The following QKI variants were observed in gnomAD, a reference collection of about 807,000 sequenced individuals.
The protein encoded by QKI is QKI, KH domain containing RNA binding, also known as KH domain-containing RNA-binding protein QKI.
QKI carries 10 observed loss-of-function variants against 39.0 expected under a neutral mutation model. The observed-to-expected ratio is 0.26, with a 90% CI of 0.16 to 0.43. The LOEUF (loss-of-function observed/expected upper bound fraction) is 0.43, where lower values mean the gene tolerates loss of function less well. Ranked by LOEUF, QKI falls within the 20% of genes least tolerant of loss-of-function variation. The probability of loss-of-function intolerance (pLI) is 1.00; values close to 1 mark genes in which losing one functional copy is unlikely to be tolerated. For synonymous variants in QKI, 204 were observed against 155.4 expected (o/e 1.31, Z -2.33); for missense variants, 218 against 428.0 (o/e 0.51, Z 4.33).
intron 3 of QKI, among the ~76,000 whole-genome samples, chr6:163,520,330 T>G (rs1780071061): frequency 6.6e-6 from 1 of 152,156 alleles, no homozygotes; most frequent in Non-Finnish European, 1.5e-5. Context: ...ATTATAACAC[T>G]GGATAATGTA....
At chr6:163,440,992 T>C (rs1170982015) in intron 1 of QKI, among the ~76,000 whole-genome samples, 2 of 152,182 alleles carry the variant, frequency 1.3e-5, no homozygotes, top group Non-Finnish European at 1.5e-5. Flanking sequence ...TTACTAAATA[T>C]ACTTTGAGTA....
In QKI at chr6:163,577,940, G is replaced by A. The variant is rs1364681319; in HGVS notation, c.*7230G>A. ...TACAGTAATTTGTGGTCTTTAGAAA[G>A]CAGTTAAACTAATTGACCATCTAAT... On this transcript the variant is annotated 3_prime_UTR_variant, in exon 8 of 8. Coordinates refer to ENST00000361752, the MANE Select transcript of QKI (RefSeq NM_006775.3). The A allele has an allele frequency of 6.6e-6, 1 of 152,136 alleles. No homozygotes were observed. Among genetic ancestry groups the A allele is most frequent in the Non-Finnish European group, 1.5e-5 (1 of 68,022 alleles). 9.4% of individuals were successfully genotyped at this position (152,136 alleles called of 1,614,324 possible). A position where few individuals can be genotyped will look rare whatever the true frequency, so the allele number is the denominator to read the frequency against.
chr6:163,451,254 T>A (rs1230781496), intron 1 of QKI, among the ~76,000 whole-genome samples: 1 of 152,224 alleles, frequency 6.6e-6, no homozygotes. Flanking sequence ...TTAAACATCA[T>A]CACCTCTTAA....
At chr6:163,449,648 G>A (rs1790400318) in intron 1 of QKI, among the ~76,000 whole-genome samples, 1 of 151,950 alleles carries the variant, frequency 6.6e-6, no homozygotes, top group Non-Finnish European at 1.5e-5. Context: ...TTAATATTTT[G>A]TTGCTTATGA....
At chr6:163,567,542 T>C in intron 7 of QKI, 6 of 984,418 alleles carry the variant, frequency 6.1e-6, no homozygotes, top group Non-Finnish European at 7.2e-6. Flanking sequence ...TTGACTAACC[T>C]GTGACTGGAA....
At chr6:163,494,129 A>G (rs1273333726) in intron 3 of QKI, among the ~76,000 whole-genome samples, 1 of 152,232 alleles carries the variant, frequency 6.6e-6, no homozygotes, top group East Asian at 1.9e-4. Context: ...ATCAAAAAAT[A>G]TTCGGGAGGA....
chr6:163,548,035 A>G (rs1583201509), intron 4 of QKI, among the ~76,000 whole-genome samples: 1 of 152,056 alleles, frequency 6.6e-6, no homozygotes, highest in East Asian at 1.9e-4. Context: ...TAAATAACTC[A>G]CAGTTTTCAG....
At chr6:163,514,557 T>G (rs540290528) in intron 3 of QKI, among the ~76,000 whole-genome samples, 3 of 152,168 alleles carry the variant, frequency 2.0e-5, no homozygotes, top group African/African-American at 7.2e-5. Flanking sequence ...TTAATTCTTA[T>G]CAGTTTCATA....
intron 3 of QKI, among the ~76,000 whole-genome samples, chr6:163,490,151 A>T (rs1777963830): frequency 6.6e-6 from 1 of 152,340 alleles, no homozygotes; most frequent in African/African-American, 2.4e-5. Context: ...AATGAAATGT[A>T]TACTCTTGTA....
intron 3 of QKI, among the ~76,000 whole-genome samples, chr6:163,505,477 C>T (rs1779036673): frequency 6.6e-6 from 1 of 152,180 alleles, no homozygotes; most frequent in Admixed American, 6.5e-5. Context: ...GACAGTGCTG[C>T]CCAGTGCTGT....
chr6:163,420,792 T>A (rs1056134995), intron 1 of QKI, among the ~76,000 whole-genome samples: 5 of 152,242 alleles, frequency 3.3e-5, no homozygotes, highest in Non-Finnish European at 7.3e-5. Flanking sequence ...CAACTAACAA[T>A]AAACTTTTAT....
At chr6:163,454,022 A>G (rs1009488084) in intron 1 of QKI, among the ~76,000 whole-genome samples, 1 of 152,172 alleles carries the variant, frequency 6.6e-6, no homozygotes, top group African/African-American at 2.4e-5. Context: ...CTATCAATAA[A>G]TTGAACTTCC....
intron 2 of QKI, among the ~76,000 whole-genome samples, chr6:163,458,662 G>T (rs1343969678): frequency 6.6e-6 from 1 of 152,090 alleles, no homozygotes; most frequent in Non-Finnish European, 1.5e-5. Context: ...TCAGACTCAA[G>T]GTCTGAGAAA....
chr6:163,544,175 A>C (rs1245639936), intron 4 of QKI, among the ~76,000 whole-genome samples: 1 of 152,098 alleles, frequency 6.6e-6, no homozygotes, highest in East Asian at 1.9e-4. Flanking sequence ...AAAGAGAGCA[A>C]AATTTAAATT....
rs200238041 is a variant in QKI at position 163,439,330 on chromosome 6, G to GTT, written c.143-15941_143-15940dup. 1.9e-3 allele frequency among the ~76,000 whole-genome samples: 229 copies of GTT among 120,606 alleles called. 2 individuals carry two copies. Among genetic ancestry groups the GTT allele is most frequent in the African/African-American group, 5.5e-3 (167 of 30,390 alleles). 79.1% of individuals were successfully genotyped at this position (120,606 alleles called of 152,430 possible). A position where few individuals can be genotyped will look rare whatever the true frequency, so the allele number is the denominator to read the frequency against. ...TTTCGCTCTAGAATAATCCTTCGTG[G>GTT]TTTTTTTTTGTTTTTTTTTTTTTTC... On this transcript the variant is annotated intron_variant, in intron 1 of 7. Coordinates refer to ENST00000361752, the MANE Select transcript of QKI (RefSeq NM_006775.3).
intron 1 of QKI, among the ~76,000 whole-genome samples, chr6:163,439,659 T>G (rs987830562): frequency 4.0e-5 from 6 of 148,550 alleles, no homozygotes; most frequent in Non-Finnish European, 9.0e-5. Context: ...CTGAATCCTT[T>G]TTTTTTTTTT....
chr6:163,491,617 A>G (rs1778059710), intron 3 of QKI, among the ~76,000 whole-genome samples: 1 of 152,240 alleles, frequency 6.6e-6, no homozygotes, highest in African/African-American at 2.4e-5. Flanking sequence ...AGAAGAGTAC[A>G]AAACAGTGCA....
In QKI at chr6:163,573,239, T is replaced by A. The variant is rs1027532908; in HGVS notation, c.*2529T>A. Reference sequence around the variant, plus strand: ...TCTCTGAATGCCTTGGTTCTCAGTATTATCATTCTTTATTGAATTTATTTC... The same window carrying A: ...TCTCTGAATGCCTTGGTTCTCAGTAATATCATTCTTTATTGAATTTATTTC... On this transcript the variant is annotated 3_prime_UTR_variant, in exon 8 of 8. Coordinates refer to ENST00000361752, the MANE Select transcript of QKI (RefSeq NM_006775.3). 1 of 152,216 alleles carries A rather than the reference T, an allele frequency of 6.6e-6. No individual in the cohort carries two copies. Among genetic ancestry groups the A allele is most frequent in the Non-Finnish European group, 1.5e-5 (1 of 68,032 alleles). 9.4% of individuals were successfully genotyped at this position (152,216 alleles called of 1,614,324 possible). A position where few individuals can be genotyped will look rare whatever the true frequency, so the allele number is the denominator to read the frequency against.
intron 3 of QKI, among the ~76,000 whole-genome samples, chr6:163,480,945 A>G (rs967180366): frequency 2.0e-5 from 3 of 152,186 alleles, no homozygotes; most frequent in South Asian, 4.1e-4. Flanking sequence ...ATTCTGCAGT[A>G]ATGGCCCCCC....
Sources: allele counts gnomAD v4.1 joint callset (sites outside exome capture counted in the v4.1 genomes callset), GRCh38; gene constraint gnomAD v4.1.1; transcripts MANE v1.5; gene names NCBI Gene and HGNC (gene_info 2026-07-23, HGNC 2026-07-21).